Variants in LCK observed in about 807,000 individuals in gnomAD.
LCK encodes the protein LCK proto-oncogene, Src family tyrosine kinase, also known as tyrosine-protein kinase Lck.
In LCK, 14 loss-of-function variants were observed where a neutral mutation model predicts 64.6. That is an observed-to-expected ratio of 0.22 (90% confidence interval 0.14 to 0.34). LCK has a LOEUF of 0.34. Among genes scored for constraint, LCK ranks in the 10% least tolerant of loss-of-function variants. The pLI is 1.00. For synonymous variants in LCK, 277 were observed against 263.6 expected (o/e 1.05, Z -0.49); for missense variants, 434 against 668.1 (o/e 0.65, Z 3.86).
chr1:32,266,819 C>G (rs1285861300), intron 1 of LCK, among the ~76,000 whole-genome samples: 1 of 59,868 alleles, frequency 1.7e-5, no homozygotes. Flanking sequence ...CTCCCCCTCC[C>G]CTTCCCCCTC....
intron 12 of LCK, among the ~76,000 whole-genome samples, chr1:32,283,749 G>C (rs1298403756): frequency 6.6e-6 from 1 of 152,126 alleles, no homozygotes; most frequent in Admixed American, 6.6e-5. Flanking sequence ...CGTGATGCAG[G>C]ATGTCATGTG....
intron 1 of LCK, among the ~76,000 whole-genome samples, chr1:32,258,468 C>A (rs1166002566): frequency 6.9e-6 from 1 of 144,570 alleles, no homozygotes; most frequent in Non-Finnish European, 1.5e-5. Flanking sequence ...AGATGTGAGA[C>A]TCCATCTCTT....
intron 1 of LCK, among the ~76,000 whole-genome samples, chr1:32,266,967 T>C (rs910556236): frequency 4.0e-5 from 6 of 150,498 alleles, no homozygotes; most frequent in African/African-American, 1.5e-4. Context: ...GGCAGGGACC[T>C]TACTGGTCTA....
intron 1 of LCK, among the ~76,000 whole-genome samples, chr1:32,261,009 A>G (rs905590328): frequency 2.0e-5 from 3 of 152,178 alleles, no homozygotes; most frequent in Admixed American, 1.3e-4. Context: ...CAATAAATCA[A>G]TAGGTCTATA....
intron 1 of LCK, among the ~76,000 whole-genome samples, chr1:32,252,098 G>A (rs965195450): frequency 6.6e-6 from 1 of 152,150 alleles, no homozygotes; most frequent in Admixed American, 6.5e-5. Context: ...CTGAGTATGG[G>A]AAGTTGGAAG....
chr1:32,274,264 T>A, intron 1 of LCK, 61 bp from the exon 2 acceptor site: 1 of 1,612,812 alleles, frequency 6.2e-7, no homozygotes, highest in Non-Finnish European at 8.5e-7. Context: ...CCCCATTATA[T>A]CTGATGTTGG....
At chr1:32,272,173 A>T (rs1640094328) in intron 1 of LCK, among the ~76,000 whole-genome samples, 1 of 151,278 alleles carries the variant, frequency 6.6e-6, no homozygotes, top group Non-Finnish European at 1.5e-5. Flanking sequence ...AATCCCAACT[A>T]CTCAGGAGGC....
In LCK at chr1:32,251,919, AGAG is replaced by A. The variant is rs1639516896; in HGVS notation, c.-6+549_-6+551del. ...AAGAGAGAGAGAGAGAGAGAGAGAG[AGAG>A]AGAGAGAGAGAGAGACAGAGATCAC... On this transcript the variant is annotated intron_variant, in intron 1 of 12. Coordinates refer to ENST00000336890, the MANE Select transcript of LCK (RefSeq NM_005356.5). The surrounding 1 kb of genome is among the most constrained non-coding windows in gnomAD (Gnocchi z 4.0). Among the ~76,000 whole-genome samples, 7 of 151,868 alleles carry A rather than the reference AGAG, an allele frequency of 4.6e-5. No individual in the cohort carries two copies. Among genetic ancestry groups the A allele is most frequent in the Admixed American group, 3.9e-4 (6 of 15,226 alleles).
chr1:32,285,567 C>A lies in LCK; in HGVS notation c.1381C>A (p.Arg461Ser). The A allele has an allele frequency of 6.2e-7, 1 of 1,614,230 alleles. No homozygotes were observed. Among genetic ancestry groups the A allele is most frequent in the Admixed American group, 1.7e-5 (1 of 60,024 alleles). The change falls in exon 13 of 13, where the codon CGC becomes AGC. Residue 461 changes from arginine (R) to serine (S), a missense_variant. Arg to Ser is a moderately radical substitution (Grantham distance 110). Transcript: ENST00000336890. ...CCTGGAGCGAGGCTACCGCATGGTG[C>A]GCCCTGACAACTGTCCAGAGGAGCT... ...QNLERGYRMV[R>S]PDNCPEELYQ... is the part of the protein sequence containing the mutation.
In LCK at chr1:32,274,804, C is replaced by T. The variant is rs568140101; in HGVS notation, c.173C>T (p.Ala58Val). 1.7e-4 allele frequency: 273 copies of T among 1,613,876 alleles called. 2 individuals are homozygous for T. The South Asian group carries it at 2.7e-3, about 16-fold the overall frequency. The change falls in exon 3 of 13, where the codon GCT becomes GTT. Residue 58 changes from alanine (A) to valine (V), a missense_variant. Around this residue, in one of 2 missense-constraint regions of LCK, gnomAD observed 233 missense variants for 291.2 expected, o/e 0.80. Transcript: ENST00000336890. ...ACCTACGAAGGCTCCAATCCGCCGG[C>T]TTCCCCACTGCAAGGTGACCCCAGG... ...LVTYEGSNPP[A>V]SPLQDNLVIA...
At position 32,280,183 on chromosome 1, in the gene LCK, G is replaced by T. The variant is rs758824898; in HGVS notation, c.1300G>T (p.Val434Phe). The T allele has an allele frequency of 1.7e-5, 28 of 1,614,096 alleles. No homozygotes were observed. The highest frequency in any genetic ancestry group is 2.3e-5 in the Non-Finnish European group (27 of 1,180,020). ...TTTTGGGATCCTGCTGACGGAAATT[G>T]TCACCCACGGCCGCATCCCTTACCC... is the stretch of plus-strand genomic sequence containing the variant. ...WSFGILLTEI[V>F]THGRIPYPGM... The change falls in exon 12 of 13, where the codon GTC becomes TTC. Residue 434 changes from valine to phenylalanine, a missense_variant. Coordinates refer to ENST00000336890, the MANE Select transcript of LCK (RefSeq NM_005356.5).
rs1639518670 is a variant in LCK, at chr1:32,251,934, G to GAT, written c.-6+564_-6+565insTA. ...AGAGAGAGAGAGAGAGAGAGAGAGA[G>GAT]AGACAGAGATCACCCAAGGCATCCA... is the stretch of plus-strand genomic sequence containing the variant. On this transcript the variant is annotated intron_variant, in intron 1 of 12. Transcript: ENST00000336890. This position sits in a 1 kb window ranked among gnomAD's most constrained non-coding sequence, Gnocchi z 4.0. Among the ~76,000 whole-genome samples the GAT allele has an allele frequency of 6.8e-6, 1 of 146,586 alleles. No homozygotes were observed. Among genetic ancestry groups the GAT allele is most frequent in the African/African-American group, 2.6e-5 (1 of 39,070 alleles).
intron 1 of LCK, among the ~76,000 whole-genome samples, chr1:32,267,932 C>T (rs752744226): frequency 1.4e-4 from 20 of 147,996 alleles, no homozygotes; most frequent in East Asian, 6.1e-4. Context: ...CAGTGGCTCA[C>T]GCCTGTAATC....
chr1:32,267,522 A>G (rs1208866432), intron 1 of LCK, among the ~76,000 whole-genome samples: 1 of 152,104 alleles, frequency 6.6e-6, no homozygotes, highest in Non-Finnish European at 1.5e-5. Flanking sequence ...GCACTTTGGG[A>G]GGTCGAGGAG....
intron 9 of LCK, among the ~76,000 whole-genome samples, chr1:32,278,052 G>T (rs1640336113): frequency 6.6e-6 from 1 of 152,104 alleles, no homozygotes; most frequent in Non-Finnish European, 1.5e-5. Flanking sequence ...AGTGGTGTAT[G>T]CCTGTAGTCC....
intron 9 of LCK, among the ~76,000 whole-genome samples, chr1:32,278,879 C>A (rs1343415800): frequency 6.6e-6 from 1 of 152,194 alleles, no homozygotes; most frequent in African/African-American, 2.4e-5. Flanking sequence ...GGGTTTTAAT[C>A]TCTTGGGAAG....
At chr1:32,263,890 C>T (rs957667534) in intron 1 of LCK, among the ~76,000 whole-genome samples, 2 of 151,840 alleles carry the variant, frequency 1.3e-5, no homozygotes, top group South Asian at 2.1e-4. Context: ...GCACTCCAGC[C>T]TGTGCGACAG....
rs562522898 is a variant in LCK at position 32,261,868 on chromosome 1, G to A, written c.-6+10497G>A. On this transcript the variant is annotated intron_variant, in intron 1 of 12. Coordinates refer to ENST00000336890, the MANE Select transcript of LCK (RefSeq NM_005356.5). Reference sequence around the variant, plus strand: ...CTCCGGAGGCTGAGGCAGGAGAATCGCTTGAACCTGGGAGGCAGAGGTTGC... The same window carrying A: ...CTCCGGAGGCTGAGGCAGGAGAATCACTTGAACCTGGGAGGCAGAGGTTGC... 7.6e-5 allele frequency among the ~76,000 whole-genome samples: 11 copies of A among 144,418 alleles called. No homozygotes were observed. In the East Asian group the frequency reaches 1.9e-3, roughly 25 times the overall value. The allele number at this position is 144,418 out of a possible 152,430, so 94.7% of individuals were successfully genotyped here.
At chr1:32,268,158 C>T (rs183724959) in intron 1 of LCK, among the ~76,000 whole-genome samples, 1 of 151,978 alleles carries the variant, frequency 6.6e-6, no homozygotes, top group Admixed American at 6.6e-5. Flanking sequence ...CGCGCCACTG[C>T]ACTCCAGCCT....
Sources: gnomAD v4.1 joint callset for allele counts (sites outside exome capture counted in the v4.1 genomes callset) on GRCh38, gnomAD v4.1.1 for gene constraint, gnomAD v4.1.1 regional missense constraint, Gnocchi (gnomAD v3.1) non-coding constraint, MANE v1.5 for transcripts, NCBI Gene and HGNC (gene_info 2026-07-23, HGNC 2026-07-21) for gene names.